The following SKAP2 variants were observed in gnomAD, a reference collection of about 807,000 sequenced individuals.
SKAP2 encodes src kinase associated phosphoprotein 2, also known as src kinase-associated phosphoprotein 2.
A neutral mutation model predicts 54.9 loss-of-function variants in SKAP2; 28 were observed. That is an observed-to-expected ratio of 0.51 (90% CI 0.38 to 0.70). The LOEUF is 0.70. SKAP2 is among the 30% of genes least tolerant of loss of function. SKAP2 has a pLI of 0.00. For missense variants in SKAP2, 356 were observed against 424.1 expected, an observed-to-expected ratio of 0.84 and a Z score of 1.41; for synonymous variants, 137 against 134.3, an observed-to-expected ratio of 1.02 and a Z score of -0.14.
rs34338289 is a variant in SKAP2, at chr7:26,694,460, ATT to A, written c.797-4100_797-4099del. On this transcript the variant is annotated intron_variant, in intron 9 of 12. Transcript: ENST00000345317. ...ACATTGTTAGAAGAATCATCAGGAG[ATT>A]TTTTTTTTTTTTTTTGAACAGACAG... Among the ~76,000 whole-genome samples the A allele has an allele frequency of 2.5e-3, 347 of 141,300 alleles. 2 individuals carry two copies. The highest frequency in any genetic ancestry group is 7.4e-3 in the Middle Eastern group (2 of 270). The allele number at this position is 141,300 out of a possible 152,430, so 92.7% of individuals were successfully genotyped here.
chr7:26,797,806 A>G (rs1004079784), intron 4 of SKAP2, among the ~76,000 whole-genome samples: 8 of 152,066 alleles, frequency 5.3e-5, no homozygotes, highest in Non-Finnish European at 1.0e-4. Context: ...TCTGAATTCT[A>G]TTATATAAAT....
At chr7:26,853,073 GA>G (rs576525611) in intron 3 of SKAP2, among the ~76,000 whole-genome samples, 1 of 151,146 alleles carries the variant, frequency 6.6e-6, no homozygotes, top group Non-Finnish European at 1.5e-5. Flanking sequence ...ATCTTAATAT[GA>G]AAAAAAAATC....
intron 11 of SKAP2, among the ~76,000 whole-genome samples, chr7:26,672,077 C>G (rs1054198904): frequency 2.8e-4 from 43 of 152,030 alleles, no homozygotes; most frequent in African/African-American, 1.0e-3. Flanking sequence ...AAGGAACTAG[C>G]CCCCTGCTCC....
chr7:26,725,864 A>T (rs762343493), intron 8 of SKAP2, 59 bp downstream of exon 8: 34 of 1,385,898 alleles, frequency 2.5e-5, no homozygotes, highest in South Asian at 3.5e-5. Flanking sequence ...GAAAACCCAA[A>T]CTACTCTGTT....
At chr7:26,716,171 A>T (rs1220454162) in intron 9 of SKAP2, among the ~76,000 whole-genome samples, 1 of 152,160 alleles carries the variant, frequency 6.6e-6, no homozygotes, top group African/African-American at 2.4e-5. Flanking sequence ...TTTGTGGTTA[A>T]ATCTTTATAT....
chr7:26,857,322 A>AC (rs1166606578), intron 1 of SKAP2: 2 of 245,206 alleles, frequency 8.2e-6, no homozygotes, highest in Non-Finnish European at 1.3e-5. Flanking sequence ...AAAAAAAAAA[A>AC]AAAAAAAAAA....
At chr7:26,797,119 G>T (rs111809883) in intron 4 of SKAP2, among the ~76,000 whole-genome samples, 177 of 152,352 alleles carry the variant, frequency 1.2e-3, no homozygotes, top group Admixed American at 3.5e-3. Flanking sequence ...ACCCACCGGG[G>T]ATTAGGGGAC....
chr7:26,707,103 T>A (rs1787177586), intron 9 of SKAP2, among the ~76,000 whole-genome samples: 1 of 152,212 alleles, frequency 6.6e-6, no homozygotes, highest in African/African-American at 2.4e-5. Flanking sequence ...GTCACACCTG[T>A]AATCTTAGCA....
intron 4 of SKAP2, among the ~76,000 whole-genome samples, chr7:26,746,971 ATAAAT>A (rs1445924590): frequency 6.6e-6 from 1 of 152,226 alleles, no homozygotes; most frequent in African/African-American, 2.4e-5. Context: ...AAATAAATAC[ATAAAT>A]TAAATATTTT....
chr7:26,839,831 G>A (rs887428451), intron 4 of SKAP2, among the ~76,000 whole-genome samples: 1 of 151,906 alleles, frequency 6.6e-6, no homozygotes, highest in African/African-American at 2.4e-5. Context: ...ACACGGACAG[G>A]TTTATATCTA....
At chr7:26,811,474 G>C (rs1784143227) in intron 4 of SKAP2, among the ~76,000 whole-genome samples, 1 of 152,130 alleles carries the variant, frequency 6.6e-6, no homozygotes, top group Non-Finnish European at 1.5e-5. Flanking sequence ...TTACCTAGTA[G>C]AAAAGCACCA....
chr7:26,694,383 T>C (rs759658447), intron 9 of SKAP2, among the ~76,000 whole-genome samples: 1 of 152,056 alleles, frequency 6.6e-6, no homozygotes, highest in Non-Finnish European at 1.5e-5. Context: ...TTTACATGCC[T>C]CTCAGCTGCA....
intron 3 of SKAP2, among the ~76,000 whole-genome samples, chr7:26,852,236 G>A (rs1785059687): frequency 6.6e-6 from 1 of 152,136 alleles, no homozygotes; most frequent in African/African-American, 2.4e-5. Context: ...ACTCAATGTA[G>A]AGACCTGAAA....
intron 9 of SKAP2, among the ~76,000 whole-genome samples, chr7:26,720,093 C>CACACAT (rs1554296117): frequency 6.8e-6 from 1 of 146,382 alleles, no homozygotes; most frequent in African/African-American, 2.5e-5. Flanking sequence ...CACACACACA[C>CACACAT]ATCCCAGTTA....
At chr7:26,765,196 A>G (rs1351932113) in intron 4 of SKAP2, among the ~76,000 whole-genome samples, 1 of 152,104 alleles carries the variant, frequency 6.6e-6, no homozygotes, top group Non-Finnish European at 1.5e-5. Context: ...ATGGTATCTC[A>G]TTGTGGTTTT....
At chr7:26,683,724 G>A (rs1487343510) in intron 11 of SKAP2, among the ~76,000 whole-genome samples, 15 of 152,074 alleles carry the variant, frequency 9.9e-5, no homozygotes, top group Admixed American at 5.9e-4. Flanking sequence ...TCTAATGTTC[G>A]ATGATTCTCT....
rs533260577 is a variant in SKAP2, at chr7:26,731,179, C to T, written c.470-4173G>A. Among the ~76,000 whole-genome samples the T allele has an allele frequency of 2.6e-3, 398 of 152,246 alleles. 1 individual carries two copies. The highest frequency in any genetic ancestry group is 8.9e-3 in the African/African-American group (368 of 41,546). On this transcript the variant is annotated intron_variant, in intron 6 of 12. Transcript: ENST00000345317. ...TCACCTATGTTAGAATCAACTTGGA[C>T]GCCTGTTAACACAGAATTGGCTACC...
intron 4 of SKAP2, among the ~76,000 whole-genome samples, chr7:26,793,640 T>C (rs951857182): frequency 1.3e-5 from 2 of 152,152 alleles, no homozygotes; most frequent in Non-Finnish European, 2.9e-5. Flanking sequence ...TAATCTAAGT[T>C]ATAAAAGCAC....
Position 26,739,975 on chromosome 7 carries a change from T to C in SKAP2, c.308-11A>G. 3 of 1,582,024 alleles carry C rather than the reference T, an allele frequency of 1.9e-6. No individual in the cohort carries two copies. Among genetic ancestry groups the C allele is most frequent in the Non-Finnish European group, 2.6e-6 (3 of 1,163,342 alleles). On this transcript the variant is annotated splice_polypyrimidine_tract_variant and intron_variant, in intron 4 of 12. Coordinates refer to ENST00000345317, the MANE Select transcript of SKAP2 (RefSeq NM_003930.5). ...GAGGAAACTGGGCTCCTATGAGAAG[T>C]TGGGGAGAGAAAAAAAAAAGCAGTG...
Sources: gnomAD v4.1 joint callset for allele counts (sites outside exome capture counted in the v4.1 genomes callset) on GRCh38, gnomAD v4.1.1 for gene constraint, MANE v1.5 for transcripts, NCBI Gene and HGNC (gene_info 2026-07-23, HGNC 2026-07-21) for gene names.